RTBDN: variants seen among roughly 807,000 people sequenced by gnomAD.
RTBDN encodes retbindin.
RTBDN carries 24 observed loss-of-function variants against 21.9 expected under a neutral mutation model. That is an observed-to-expected ratio of 1.10 (90% CI 0.79 to 1.54). RTBDN has a LOEUF of 1.54. Ranked by LOEUF, RTBDN falls within the 40% of genes most tolerant of loss-of-function variation. RTBDN has a pLI of 0.00. For synonymous variants in RTBDN, 141 were observed against 125.9 expected, an observed-to-expected ratio of 1.12 and a Z score of -0.80; for missense variants, 325 against 315.2, an observed-to-expected ratio of 1.03 and a Z score of -0.23.
intron 4 of RTBDN, among the ~76,000 whole-genome samples, chr19:12,827,292 T>C (rs1229305520): frequency 6.6e-6 from 1 of 151,670 alleles, no homozygotes; most frequent in Admixed American, 6.6e-5. Flanking sequence ...TACCTGGGAC[T>C]ATAGGTGCGC....
upstream of RTBDN, chr19:12,835,155 G>C: frequency 6.4e-7 from 1 of 1,571,384 alleles, no homozygotes; most frequent in Non-Finnish European, 8.7e-7. Flanking sequence ...GAGCTGATTG[G>C]TCAGTGCAGC....
At position 12,830,863 on chromosome 19, in the gene RTBDN, A is replaced by G. The variant is rs867736827; in HGVS notation, c.-18-866T>C. 2.5e-3 allele frequency among the ~76,000 whole-genome samples: 308 copies of G among 123,902 alleles called. No homozygotes were observed. The highest frequency in any genetic ancestry group is 6.1e-3 in the African/African-American group (196 of 32,326). The allele number at this position is 123,902 out of a possible 152,430, so 81.3% of individuals were successfully genotyped here. Reference sequence around the variant, plus strand: ...AGTGTGTGTGTGTGTGTGTGTGTGTATGTGTGTGAGGAAGGTGTGTTTGTG... The same window carrying G: ...AGTGTGTGTGTGTGTGTGTGTGTGTGTGTGTGTGAGGAAGGTGTGTTTGTG... On this transcript the variant is annotated intron_variant, in intron 1 of 5. Coordinates refer to ENST00000674343, the MANE Select transcript of RTBDN (RefSeq NM_001270441.2). This position sits in a 1 kb window ranked among gnomAD's most constrained non-coding sequence, Gnocchi z 4.2.
chr19:12,835,033 A>G, upstream of RTBDN: 1 of 1,602,868 alleles, frequency 6.2e-7, no homozygotes, highest in South Asian at 1.1e-5. Context: ...GCCCAGACTC[A>G]GGCTCCATCC....
At chr19:12,829,391 AG>A (rs1301551714) in intron 2 of RTBDN, among the ~76,000 whole-genome samples, 1 of 152,018 alleles carries the variant, frequency 6.6e-6, no homozygotes, top group Admixed American at 6.6e-5. Flanking sequence ...TAGTAGAGAC[AG>A]GGGTTTCACC....
intron 4 of RTBDN, among the ~76,000 whole-genome samples, chr19:12,828,241 C>A (rs1969399339): frequency 6.6e-6 from 1 of 151,816 alleles, no homozygotes; most frequent in Admixed American, 6.6e-5. Flanking sequence ...ACTAAAAATA[C>A]AAAAATTAGC....
chr19:12,829,522 T>A (rs996367063), intron 2 of RTBDN, among the ~76,000 whole-genome samples: 2 of 152,186 alleles, frequency 1.3e-5, no homozygotes, highest in African/African-American at 4.8e-5. Flanking sequence ...ATATGCTTAA[T>A]CTTAACAACA....
At chr19:12,833,879 C>T (rs907084336) in intron 1 of RTBDN, 4 of 388,654 alleles carry the variant, frequency 1.0e-5, no homozygotes, top group African/African-American at 4.2e-5. Context: ...CCGCGGTCCC[C>T]GCGGCTTCTC....
At position 12,830,254 on chromosome 19, in the gene RTBDN, C is replaced by T; in HGVS notation, c.-18-257G>A. ...CCAACCAAGCTTAGACCACAGTGGC[C>T]CTCCTCCCATCCAGCAGGATCTCCC... On this transcript the variant is annotated intron_variant, in intron 1 of 5. Coordinates refer to ENST00000674343, the MANE Select transcript of RTBDN (RefSeq NM_001270441.2). The surrounding 1 kb of genome is among the most constrained non-coding windows in gnomAD (Gnocchi z 4.2). 1 of 1,226,038 alleles carries T rather than the reference C, an allele frequency of 8.2e-7. No homozygotes were observed. Among genetic ancestry groups the T allele is most frequent in the Admixed American group, 3.9e-5 (1 of 25,890 alleles). 75.9% of individuals were successfully genotyped at this position (1,226,038 alleles called of 1,614,324 possible). A position where few individuals can be genotyped will look rare whatever the true frequency, so the allele number is the denominator to read the frequency against.
chr19:12,829,113 G>A, intron 2 of RTBDN, 160 bp from the exon 3 acceptor site: 1 of 1,174,294 alleles, frequency 8.5e-7, no homozygotes, highest in South Asian at 1.6e-5. Context: ...GCAGCTTCAA[G>A]TAGTAATAAT....
Position 12,826,782 on chromosome 19 carries a change from T to C in RTBDN, c.455A>G (p.Tyr152Cys). Residue 152 changes from tyrosine (Y) to cysteine (C), a missense_variant, in exon 5 of 6, where the codon TAT (tyrosine) becomes TGT (cysteine). Transcript: ENST00000674343. ...KRGCEPSCLT[Y>C]GQTFADGTDL... is the part of the protein sequence containing the mutation. ...CTTCTGCCCCACGCTCACCTGTCCA[T>C]AGGTAAGGCAGCTGGGCTCACAGCC... 2 of 1,549,986 alleles carry C rather than the reference T, an allele frequency of 1.3e-6. No individual in the cohort carries two copies. Among genetic ancestry groups the C allele is most frequent in the Non-Finnish European group, 1.7e-6 (2 of 1,145,198 alleles).
chr19:12,827,001 C>T (rs976124889), intron 4 of RTBDN, 130 bp from the exon 5 acceptor site: 6 of 664,480 alleles, frequency 9.0e-6, no homozygotes, highest in African/African-American at 5.4e-5. Flanking sequence ...GAACCACTCC[C>T]CTGCTAACTA....
Position 12,828,742 on chromosome 19 carries a change from G to A in RTBDN, c.280C>T (p.Gln94Ter). The stretch of plus-strand genomic sequence containing the variant: ...CGGAAGCGACTGCGAAGGGCACGTT[G>A]GAGGTGTTCCAGGAAGGATTCGCAT... ...PECESFLEHL[Q>*]RALRSRFRLR... The change falls in exon 4 of 6, where the codon CAA becomes TAA. Residue 94 changes from glutamine (Q) to a stop codon, truncating the protein, a stop_gained. Transcript: ENST00000674343. LOFTEE classifies it high-confidence loss of function. The A allele has an allele frequency of 6.2e-7, 1 of 1,614,242 alleles. No individual in the cohort carries two copies. The highest frequency in any genetic ancestry group is 1.3e-5 in the African/African-American group (1 of 75,070).
At chr19:12,834,808 T>C, upstream of RTBDN, 1 of 1,614,190 alleles carries the variant, frequency 6.2e-7, no homozygotes, top group East Asian at 2.2e-5. The surrounding 1 kb of genome is among the most constrained non-coding windows in gnomAD (Gnocchi z 4.7). Flanking sequence ...AGGGATTCTG[T>C]AGCCGAGAAG....
rs543418906 is a variant in RTBDN, at chr19:12,831,375, G to C, written c.-18-1378C>G. Among the ~76,000 whole-genome samples, 16 of 152,284 alleles carry C rather than the reference G, an allele frequency of 1.1e-4. 1 individual carries two copies. In the East Asian group the frequency reaches 2.9e-3, roughly 28 times the overall value. The stretch of plus-strand genomic sequence containing the variant: ...AACAAACATTTATTGAGCACCTACT[G>C]TGTGCTAGATTCTGGGGATGCAGTA... On this transcript the variant is annotated intron_variant, in intron 1 of 5. Coordinates refer to ENST00000674343, the MANE Select transcript of RTBDN (RefSeq NM_001270441.2).
Position 12,830,007 on chromosome 19 carries a change from A to G in RTBDN, c.-18-10T>C. 1 of 1,596,750 alleles carries G rather than the reference A, an allele frequency of 6.3e-7. No homozygotes were observed. The highest frequency in any genetic ancestry group is 8.6e-7 in the Non-Finnish European group (1 of 1,165,954). The stretch of plus-strand genomic sequence containing the variant: ...CCACCTGAGATAAGAGCTGGCAGGC[A>G]TAGGGTGGGGTTCAGCCATCCCTTT... On this transcript the variant is annotated splice_polypyrimidine_tract_variant and intron_variant, in intron 1 of 5. Coordinates refer to ENST00000674343, the MANE Select transcript of RTBDN (RefSeq NM_001270441.2). The surrounding 1 kb of genome is among the most constrained non-coding windows in gnomAD (Gnocchi z 4.2).
At chr19:12,833,822 G>C in intron 1 of RTBDN, 2 of 158,704 alleles carry the variant, frequency 1.3e-5, no homozygotes, top group Non-Finnish European at 2.5e-5. Flanking sequence ...ACTTCGCTCC[G>C]CCCCCGCCCC....
At position 12,830,024 on chromosome 19, in the gene RTBDN, C is replaced by A. The variant is rs758561959; in HGVS notation, c.-18-27G>T. 1.3e-6 allele frequency: 2 copies of A among 1,587,852 alleles called. No homozygotes were observed. The highest frequency in any genetic ancestry group is 1.7e-5 in the Admixed American group (1 of 59,382). On this transcript the variant is annotated intron_variant, in intron 1 of 5. Transcript: ENST00000674343. The surrounding 1 kb of genome is among the most constrained non-coding windows in gnomAD (Gnocchi z 4.2). ...TGGCAGGCATAGGGTGGGGTTCAGC[C>A]ATCCCTTTCTGTGAGCTTAGGGTGG...
In RTBDN at chr19:12,834,527, G is replaced by C. The variant is rs1969691338; in HGVS notation, c.-57C>G. The C allele has an allele frequency of 6.5e-7, 1 of 1,535,362 alleles. No individual in the cohort carries two copies. Among genetic ancestry groups the C allele is most frequent in the African/African-American group, 1.4e-5 (1 of 73,054 alleles). On this transcript the variant is annotated 5_prime_UTR_variant, in exon 1 of 6. Coordinates refer to ENST00000674343, the MANE Select transcript of RTBDN (RefSeq NM_001270441.2). This position sits in a 1 kb window ranked among gnomAD's most constrained non-coding sequence, Gnocchi z 4.7. The stretch of plus-strand genomic sequence containing the variant: ...AGGATTCTTCCTACTGCCCTAATTG[G>C]ACAGGCACCTAGACAGCTTTCTCAC...
At chr19:12,831,392 G>C (rs1173635341) in intron 1 of RTBDN, among the ~76,000 whole-genome samples, 1 of 152,132 alleles carries the variant, frequency 6.6e-6, no homozygotes, top group Non-Finnish European at 1.5e-5. Context: ...AGATTCTGGG[G>C]ATGCAGTAGT....
Sources: gnomAD v4.1 joint callset for allele counts (sites outside exome capture counted in the v4.1 genomes callset) on GRCh38, gnomAD v4.1.1 for gene constraint, Gnocchi (gnomAD v3.1) non-coding constraint, MANE v1.5 for transcripts, NCBI Gene and HGNC (gene_info 2026-07-23, HGNC 2026-07-21) for gene names.